AFF3: variants seen among roughly 807,000 people sequenced by gnomAD.
The protein encoded by AFF3 is AF4/FMR2 family member 3.
AFF3 carries 32 observed loss-of-function variants against 129.7 expected under a neutral mutation model. That is an observed-to-expected ratio of 0.25 (90% CI 0.19 to 0.33). The LOEUF (loss-of-function observed/expected upper bound fraction) is 0.33, where lower values mean the gene tolerates loss of function less well. Among genes scored for constraint, AFF3 ranks in the 10% least tolerant of loss-of-function variants. AFF3 has a pLI of 1.00. For missense variants in AFF3, 1,373 were observed against 1,592.0 expected, an observed-to-expected ratio of 0.86 and a Z score of 2.34; for synonymous variants, 644 against 635.4, an observed-to-expected ratio of 1.01 and a Z score of -0.20.
intron 4 of AFF3, among the ~76,000 whole-genome samples, chr2:100,066,155 A>C (rs1242923186): frequency 6.6e-6 from 1 of 152,204 alleles, no homozygotes; most frequent in Non-Finnish European, 1.5e-5. Context: ...TGAGGGGAAG[A>C]AAGTAGAAAC....
intron 4 of AFF3, among the ~76,000 whole-genome samples, chr2:100,012,704 T>C (rs1023749818): frequency 1.2e-4 from 19 of 152,352 alleles, no homozygotes; most frequent in African/African-American, 4.6e-4. Context: ...GATCATGCTT[T>C]AAAAGCAAAG....
intron 8 of AFF3, among the ~76,000 whole-genome samples, chr2:99,818,569 A>G (rs904403552): frequency 6.6e-6 from 1 of 152,134 alleles, no homozygotes; most frequent in African/African-American, 2.4e-5. Context: ...AGTCCAAGCA[A>G]ATTTCTGAGT....
At chr2:99,656,701 C>T (rs1685775334) in intron 12 of AFF3, among the ~76,000 whole-genome samples, 1 of 152,142 alleles carries the variant, frequency 6.6e-6, no homozygotes, top group East Asian at 1.9e-4. Context: ...TAATGGGTCT[C>T]TTAACTTTTT....
intron 10 of AFF3, 100 bp from the exon 11 acceptor site, chr2:99,727,228 T>C (rs974933598): frequency 7.6e-6 from 9 of 1,181,582 alleles, no homozygotes; most frequent in Non-Finnish European, 9.5e-6. Flanking sequence ...TAACAATCTT[T>C]CAAAATGTGT....
chr2:100,140,069 G>A (rs181848216), intron 1 of AFF3, among the ~76,000 whole-genome samples: 13 of 152,198 alleles, frequency 8.5e-5, no homozygotes, highest in East Asian at 1.9e-4. Context: ...TGCCTTTACC[G>A]AAGGTGGATT....
chr2:99,727,258 A>G lies in AFF3; in HGVS notation c.1040-130T>C. ...ATGTGTAGCAGGAGGCTTTTAAAAC[A>G]TCTTTTATTGTCTGAGAACCGGATT... On this transcript the variant is annotated intron_variant, in intron 10 of 24. Transcript: ENST00000672756. 3.3e-6 allele frequency: 3 copies of G among 923,012 alleles called. No homozygotes were observed. The African/African-American group carries it at 5.2e-5, about 16-fold the overall frequency. The allele number at this position is 923,012 out of a possible 1,614,324, so 57.2% of individuals were successfully genotyped here. A position where few individuals can be genotyped will look rare whatever the true frequency, so the allele number is the denominator to read the frequency against.
intron 13 of AFF3, among the ~76,000 whole-genome samples, chr2:99,627,369 T>C (rs1022443362): frequency 3.3e-5 from 5 of 152,232 alleles, no homozygotes; most frequent in Non-Finnish European, 7.3e-5. Flanking sequence ...GCCGCATGTA[T>C]GTCTTCTTTT....
At chr2:99,755,628 C>G (rs1220843140) in intron 8 of AFF3, among the ~76,000 whole-genome samples, 1 of 152,122 alleles carries the variant, frequency 6.6e-6, no homozygotes, top group Non-Finnish European at 1.5e-5. Context: ...TTTCTTTTCA[C>G]CTTCTTGACA....
At chr2:99,701,264 T>C (rs1279063062) in intron 11 of AFF3, among the ~76,000 whole-genome samples, 1 of 152,046 alleles carries the variant, frequency 6.6e-6, no homozygotes, top group Non-Finnish European at 1.5e-5. Flanking sequence ...TGAGGTGTGG[T>C]CGTGCAGACA....
At chr2:100,021,377 C>T (rs974816324) in intron 4 of AFF3, among the ~76,000 whole-genome samples, 2 of 152,110 alleles carry the variant, frequency 1.3e-5, no homozygotes, top group African/African-American at 4.8e-5. Context: ...CTGAATAAAA[C>T]AGTATAAGAT....
chr2:99,689,902 T>C (rs1008182677), intron 11 of AFF3, among the ~76,000 whole-genome samples: 14 of 150,986 alleles, frequency 9.3e-5, no homozygotes, highest in Non-Finnish European at 1.3e-4. Flanking sequence ...GCATGACCAA[T>C]ATGGTGAGAC....
chr2:99,567,581 C>T (rs376772829), intron 19 of AFF3, among the ~76,000 whole-genome samples: 10 of 152,080 alleles, frequency 6.6e-5, no homozygotes, highest in South Asian at 2.1e-4. Context: ...CTGAATATGA[C>T]GCCGGGAAGG....
chr2:99,865,302 C>T (rs530638835), intron 7 of AFF3, among the ~76,000 whole-genome samples: 28 of 152,302 alleles, frequency 1.8e-4, no homozygotes, highest in South Asian at 4.1e-4. Context: ...TTTGAGTGGA[C>T]TCTTTGAAGC....
intron 11 of AFF3, among the ~76,000 whole-genome samples, chr2:99,697,455 GA>G (rs1019241158): frequency 6.6e-6 from 1 of 152,118 alleles, no homozygotes; most frequent in Non-Finnish European, 1.5e-5. Context: ...TTTTTACAGA[GA>G]AAAAAATGCA....
chr2:100,035,160 C>CAGATGCACAA (rs1684802796), intron 4 of AFF3, among the ~76,000 whole-genome samples: 1 of 152,226 alleles, frequency 6.6e-6, no homozygotes, highest in South Asian at 2.1e-4. Context: ...TGGAATCACA[C>CAGATGCACAA]AGATGCACAA....
At chr2:99,883,753 A>C (rs1393655106) in intron 7 of AFF3, among the ~76,000 whole-genome samples, 1 of 152,214 alleles carries the variant, frequency 6.6e-6, no homozygotes, top group Non-Finnish European at 1.5e-5. Flanking sequence ...CCTTCTACTG[A>C]GTCAGCAAGG....
intron 7 of AFF3, among the ~76,000 whole-genome samples, chr2:99,943,308 A>G (rs1675238139): frequency 1.3e-5 from 2 of 152,346 alleles, no homozygotes; most frequent in African/African-American, 4.8e-5. Context: ...CATGCTGGAC[A>G]GTGTCTGCAG....
At chr2:100,104,721 C>T (rs1385981305) in intron 3 of AFF3, 33 of 954,106 alleles carry the variant, frequency 3.5e-5, no homozygotes, top group Non-Finnish European at 3.9e-5. Context: ...GAGCTCGCCG[C>T]GCCGCCGCCG....
chr2:100,138,161 C>A, intron 1 of AFF3, among the ~76,000 whole-genome samples: 1 of 152,172 alleles, frequency 6.6e-6, no homozygotes, highest in East Asian at 1.9e-4. Context: ...CTGTTACCAC[C>A]GCAGTCTTCC....
Sources: allele counts gnomAD v4.1 joint callset (sites outside exome capture counted in the v4.1 genomes callset), GRCh38; gene constraint gnomAD v4.1.1; transcripts MANE v1.5; gene names NCBI Gene and HGNC (gene_info 2026-07-23, HGNC 2026-07-21).